SLC25A48: variants seen among roughly 807,000 people sequenced by gnomAD.
The protein encoded by SLC25A48 is solute carrier family 25 member 48.
SLC25A48 carries 29 observed loss-of-function variants against 32.2 expected under a neutral mutation model. That is an observed-to-expected ratio of 0.90 (90% CI 0.67 to 1.23). The LOEUF is 1.23. SLC25A48 is among the 50% of genes most tolerant of loss of function. SLC25A48 has a pLI of 0.00. For missense variants in SLC25A48, 399 were observed against 422.7 expected (o/e 0.94, Z 0.49); for synonymous variants, 164 against 172.3 (o/e 0.95, Z 0.38).
chr5:135,838,006 T>A (rs546948858), intron 1 of SLC25A48, among the ~76,000 whole-genome samples: 1 of 152,272 alleles, frequency 6.6e-6, no homozygotes, highest in Non-Finnish European at 1.5e-5. Flanking sequence ...TGTGGAAAAG[T>A]TTGGAGCTTC....
At chr5:135,887,478 A>G (rs939222416) in intron 7 of SLC25A48, among the ~76,000 whole-genome samples, 3 of 151,142 alleles carry the variant, frequency 2.0e-5, no homozygotes, top group African/African-American at 7.3e-5. Flanking sequence ...GTGTACATAT[A>G]CACACACACA....
chr5:135,809,392 A>G (rs531648451), intron 3 of SLC25A48, among the ~76,000 whole-genome samples: 1 of 152,236 alleles, frequency 6.6e-6, no homozygotes, highest in Non-Finnish European at 1.5e-5. Context: ...CATTCATTCA[A>G]TAGTGTGCTG....
At chr5:135,667,716 C>T (rs2106820) in intron 3 of SLC25A48, among the ~76,000 whole-genome samples, 103,602 of 152,102 alleles carry the variant, frequency 0.68, 35,797 homozygotes, top group Middle Eastern at 0.78. Flanking sequence ...ATTTAGCACA[C>T]ACAGTTGGTG....
intron 3 of SLC25A48, among the ~76,000 whole-genome samples, chr5:135,790,041 A>G (rs566317315): frequency 1.6e-4 from 24 of 151,942 alleles, no homozygotes; most frequent in Non-Finnish European, 3.1e-4. Flanking sequence ...TCTCAATAGG[A>G]TATTAGTAAT....
At chr5:135,865,863 C>G (rs1289677552) in intron 4 of SLC25A48, among the ~76,000 whole-genome samples, 1 of 152,166 alleles carries the variant, frequency 6.6e-6, no homozygotes, top group Non-Finnish European at 1.5e-5. Context: ...ACTAAGAAAA[C>G]AAATATGTAA....
At chr5:135,886,656 G>C (rs1762738621) in intron 7 of SLC25A48, among the ~76,000 whole-genome samples, 1 of 79,508 alleles carries the variant, frequency 1.3e-5, no homozygotes, top group Non-Finnish European at 2.4e-5. Context: ...ATATGTGTGT[G>C]TGTGTGTGTG....
At chr5:135,605,263 T>A (rs6596246) in intron 1 of SLC25A48, among the ~76,000 whole-genome samples, 4 of 152,062 alleles carry the variant, frequency 2.6e-5, no homozygotes, top group Non-Finnish European at 5.9e-5. Flanking sequence ...TCTTTCATGC[T>A]GGCCTCCAGC....
At chr5:135,885,905 C>G (rs1762696042) in intron 7 of SLC25A48, among the ~76,000 whole-genome samples, 1 of 151,996 alleles carries the variant, frequency 6.6e-6, no homozygotes, top group South Asian at 2.1e-4. Context: ...AATGGAGGGG[C>G]AGAATAACAT....
chr5:135,835,843 A>G (rs943928712), intron 1 of SLC25A48, among the ~76,000 whole-genome samples: 1 of 152,182 alleles, frequency 6.6e-6, no homozygotes, highest in Admixed American at 6.5e-5. Flanking sequence ...CCTACCTAGC[A>G]GGAGACCACC....
chr5:135,787,509 C>A (rs981992766), intron 3 of SLC25A48, among the ~76,000 whole-genome samples: 1 of 151,912 alleles, frequency 6.6e-6, no homozygotes, highest in Non-Finnish European at 1.5e-5. Context: ...AGATGTATAA[C>A]CTGTTATATT....
chr5:135,789,206 G>GGTGAGGGTACACCCCCC (rs1580881634), intron 3 of SLC25A48, among the ~76,000 whole-genome samples: 1 of 138,384 alleles, frequency 7.2e-6, no homozygotes, highest in African/African-American at 2.7e-5. Context: ...ACCCTCCCCC[G>GGTGAGGGTACACCCCCC]CCACGATATG....
intron 3 of SLC25A48, among the ~76,000 whole-genome samples, chr5:135,679,690 G>T (rs1156426142): frequency 2.0e-5 from 3 of 152,150 alleles, no homozygotes; most frequent in East Asian, 3.9e-4. Flanking sequence ...AGGGCTTCAG[G>T]CCATGCACCT....
chr5:135,656,741 G>C (rs1035532513), intron 3 of SLC25A48, among the ~76,000 whole-genome samples: 2 of 152,134 alleles, frequency 1.3e-5, no homozygotes, highest in South Asian at 4.2e-4. Context: ...CAGGGAGAAG[G>C]CCATGTGATA....
intron 6 of SLC25A48, chr5:135,874,575 C>A: frequency 1.6e-6 from 1 of 608,816 alleles, no homozygotes; most frequent in South Asian, 1.9e-5. Context: ...TGTCCTCAGT[C>A]AGCTCATCTC....
At chr5:135,844,387 TC>T (rs1392835765) in intron 2 of SLC25A48, among the ~76,000 whole-genome samples, 1 of 152,180 alleles carries the variant, frequency 6.6e-6, no homozygotes, top group Admixed American at 6.5e-5. Context: ...ATTCTCACCC[TC>T]CCAAACTCAC....
chr5:135,864,368 G>A (rs1282836605), intron 4 of SLC25A48, among the ~76,000 whole-genome samples: 2 of 152,208 alleles, frequency 1.3e-5, no homozygotes, highest in Non-Finnish European at 2.9e-5. Flanking sequence ...GGTTGACCTT[G>A]GGAAGGAACA....
At chr5:135,887,518 C>T (rs370273648) in intron 7 of SLC25A48, among the ~76,000 whole-genome samples, 99 of 152,120 alleles carry the variant, frequency 6.5e-4, no homozygotes, top group African/African-American at 2.2e-3. Context: ...ACATATCCCT[C>T]GCCCAAAGGC....
chr5:135,836,218 C>T (rs189629481), intron 1 of SLC25A48, among the ~76,000 whole-genome samples: 1 of 152,158 alleles, frequency 6.6e-6, no homozygotes. Context: ...TCCCCATCCC[C>T]AAACGTGATA....
chr5:135,604,568 G>C (rs562233671), intron 1 of SLC25A48, among the ~76,000 whole-genome samples: 5 of 152,292 alleles, frequency 3.3e-5, no homozygotes, highest in African/African-American at 1.2e-4. Context: ...GGTTCCCTAT[G>C]AATAGTCTGT....
Sources: allele counts gnomAD v4.1 joint callset (sites outside exome capture counted in the v4.1 genomes callset), GRCh38; gene constraint gnomAD v4.1.1; transcripts MANE v1.5; gene names NCBI Gene and HGNC (gene_info 2026-07-23, HGNC 2026-07-21).